Variants in ZDHHC14 observed in about 807,000 individuals in gnomAD.
The protein encoded by ZDHHC14 is palmitoyltransferase ZDHHC14.
In ZDHHC14, 16 loss-of-function variants were observed where a neutral mutation model predicts 47.7. The ratio of observed to expected loss-of-function variants is 0.34; its 90% confidence interval spans 0.23 to 0.51. The LOEUF is 0.51. ZDHHC14 is among the 20% of genes least tolerant of loss of function. ZDHHC14 has a pLI of 0.97. For missense variants in ZDHHC14, 515 were observed against 662.5 expected, an observed-to-expected ratio of 0.78 and a Z score of 2.44; for synonymous variants, 293 against 278.9, an observed-to-expected ratio of 1.05 and a Z score of -0.50.
chr6:157,529,849 G>A (rs557441108), intron 1 of ZDHHC14, among the ~76,000 whole-genome samples: 9 of 152,272 alleles, frequency 5.9e-5, no homozygotes, highest in South Asian at 2.1e-4. Context: ...CTTTGATGGC[G>A]GCCACATCTG....
intron 7 of ZDHHC14, among the ~76,000 whole-genome samples, chr6:157,649,944 G>A (rs1235045687): frequency 6.6e-6 from 1 of 152,086 alleles, no homozygotes; most frequent in Non-Finnish European, 1.5e-5. Context: ...CGTGCCAGGC[G>A]CTGGGGGTGC....
At chr6:157,455,567 C>T (rs769273566) in intron 1 of ZDHHC14, among the ~76,000 whole-genome samples, 2 of 152,142 alleles carry the variant, frequency 1.3e-5, no homozygotes, top group Non-Finnish European at 2.9e-5. Context: ...TTTGTGCTTG[C>T]GTTTGTGTTG....
intron 1 of ZDHHC14, among the ~76,000 whole-genome samples, chr6:157,382,491 C>T (rs917686685): frequency 5.9e-5 from 9 of 152,146 alleles, no homozygotes; most frequent in African/African-American, 2.2e-4. Context: ...GGGAAGGGGT[C>T]CACTTGCAAG....
rs188840891 is a variant in ZDHHC14 at position 157,648,846 on chromosome 6, G to A, written c.965+1478G>A. On this transcript the variant is annotated intron_variant, in intron 7 of 8. Coordinates refer to ENST00000359775, the MANE Select transcript of ZDHHC14 (RefSeq NM_024630.3). ...CCCGCTGGCTTGTTTGTGACTAGCA[G>A]GGCAGGTCAGGAAACAGTAAGAGCC... 2.0e-5 allele frequency among the ~76,000 whole-genome samples: 3 copies of A among 152,322 alleles called. No homozygotes were observed. In the East Asian group the frequency reaches 5.8e-4, roughly 29 times the overall value.
At chr6:157,550,336 G>A (rs565083914) in intron 2 of ZDHHC14, among the ~76,000 whole-genome samples, 23 of 151,840 alleles carry the variant, frequency 1.5e-4, no homozygotes, top group Admixed American at 3.3e-4. Flanking sequence ...AGACCACAGC[G>A]TCACACAGGC....
intron 1 of ZDHHC14, among the ~76,000 whole-genome samples, chr6:157,532,326 C>T (rs1781394755): frequency 6.6e-6 from 1 of 152,216 alleles, no homozygotes; most frequent in South Asian, 2.1e-4. Context: ...AATTCATTGC[C>T]AAACAGTGCT....
chr6:157,627,642 G>T (rs1215790539), intron 3 of ZDHHC14, among the ~76,000 whole-genome samples: 2 of 152,204 alleles, frequency 1.3e-5, no homozygotes. Context: ...AGGCGGCATG[G>T]ACAGTAAGAA....
chr6:157,478,768 A>T (rs1374817996), intron 1 of ZDHHC14, among the ~76,000 whole-genome samples: 1 of 152,244 alleles, frequency 6.6e-6, no homozygotes, highest in Non-Finnish European at 1.5e-5. Flanking sequence ...AGTGCCTGGG[A>T]CACAGTAAAT....
chr6:157,475,888 A>T (rs1779469361), intron 1 of ZDHHC14, among the ~76,000 whole-genome samples: 1 of 152,192 alleles, frequency 6.6e-6, no homozygotes, highest in Admixed American at 6.5e-5. Flanking sequence ...GGGAAATTTT[A>T]AAAATATCTT....
rs111442430 is a variant in ZDHHC14, at chr6:157,535,668, C to T, written c.246-6917C>T. Among the ~76,000 whole-genome samples, 178 of 152,300 alleles carry T rather than the reference C, an allele frequency of 1.2e-3. 3 individuals carry two copies. The highest frequency in any genetic ancestry group is 3.4e-3 in the African/African-American group (140 of 41,574). On this transcript the variant is annotated intron_variant, in intron 1 of 8. Coordinates refer to ENST00000359775, the MANE Select transcript of ZDHHC14 (RefSeq NM_024630.3). The stretch of plus-strand genomic sequence containing the variant: ...CTCTGTGCGTCTGGGGTAATTAACA[C>T]GATTAGTCACTAATCGTGCTTTCCA...
chr6:157,511,374 G>A (rs1780476398), intron 1 of ZDHHC14, among the ~76,000 whole-genome samples: 1 of 143,188 alleles, frequency 7.0e-6, no homozygotes, highest in South Asian at 2.3e-4. Flanking sequence ...TGGTGAGAGT[G>A]CATGAGGAAA....
chr6:157,561,410 C>T (rs1110088), intron 2 of ZDHHC14, among the ~76,000 whole-genome samples: 30,885 of 151,896 alleles, frequency 0.2, 3,340 homozygotes, highest in Middle Eastern at 0.33. Context: ...TTTTTTCTTA[C>T]CGTGTGTATT....
chr6:157,665,797 T>C (rs1031700832), intron 8 of ZDHHC14, among the ~76,000 whole-genome samples: 2 of 152,182 alleles, frequency 1.3e-5, no homozygotes, highest in African/African-American at 4.8e-5. Flanking sequence ...GGTTATTCAG[T>C]GCCTATGAAA....
chr6:157,478,317 C>G (rs1487730278), intron 1 of ZDHHC14, among the ~76,000 whole-genome samples: 2 of 152,196 alleles, frequency 1.3e-5, no homozygotes, highest in Admixed American at 1.3e-4. Context: ...AATGAGCAGT[C>G]ACAAATCCTC....
chr6:157,434,688 A>G (rs1778405219), intron 1 of ZDHHC14, among the ~76,000 whole-genome samples: 1 of 152,136 alleles, frequency 6.6e-6, no homozygotes, highest in Non-Finnish European at 1.5e-5. Context: ...AATGTTTGTC[A>G]GTGTGGTTGG....
intron 1 of ZDHHC14, among the ~76,000 whole-genome samples, chr6:157,423,778 C>G (rs577696347): frequency 6.6e-6 from 1 of 152,340 alleles, no homozygotes; most frequent in East Asian, 1.9e-4. Flanking sequence ...GATTTAAACT[C>G]TCACCACTCC....
chr6:157,514,814 A>G (rs571892787), intron 1 of ZDHHC14, among the ~76,000 whole-genome samples: 1 of 152,282 alleles, frequency 6.6e-6, no homozygotes, highest in East Asian at 1.9e-4. Context: ...ACAAAAACCA[A>G]GCCAACAAGG....
At chr6:157,417,049 C>T (rs947605987) in intron 1 of ZDHHC14, among the ~76,000 whole-genome samples, 3 of 129,568 alleles carry the variant, frequency 2.3e-5, no homozygotes, top group African/African-American at 9.0e-5. Flanking sequence ...AGGCTGGTCT[C>T]GAACTCCTGA....
chr6:157,528,303 T>G (rs944365035), intron 1 of ZDHHC14, among the ~76,000 whole-genome samples: 1 of 152,230 alleles, frequency 6.6e-6, no homozygotes, highest in African/African-American at 2.4e-5. Context: ...TGTTGTTGTT[T>G]TTTAATCTCA....
Sources: allele counts gnomAD v4.1 joint callset (sites outside exome capture counted in the v4.1 genomes callset), GRCh38; gene constraint gnomAD v4.1.1; transcripts MANE v1.5; gene names NCBI Gene and HGNC (gene_info 2026-07-23, HGNC 2026-07-21).